Variants in PKP1 observed in about 807,000 individuals in gnomAD.
PKP1 encodes the protein plakophilin 1.
A neutral mutation model predicts 76.4 loss-of-function variants in PKP1; 27 were observed. The observed-to-expected ratio is 0.35, with a 90% CI of 0.26 to 0.49. The LOEUF is 0.49. Among genes scored for constraint, PKP1 ranks in the 20% least tolerant of loss-of-function variants. The pLI is 0.99. For synonymous variants in PKP1, 404 were observed against 384.2 expected, an observed-to-expected ratio of 1.05 and a Z score of -0.60; for missense variants, 964 against 955.2, an observed-to-expected ratio of 1.01 and a Z score of -0.12.
rs1779288 is a variant in PKP1, at chr1:201,322,982, T to C, written c.1504-31T>C. 1,607,334 of 1,611,320 alleles carry C rather than the reference T, an allele frequency of 1. 801,729 individuals are homozygous for C. The highest frequency in any genetic ancestry group is 1 in the East Asian group (44,872 of 44,872). ...TTGTGTCCTCTCACAAGGCTCCCCA[T>C]TGACCCCCCTGACCGGCTCTTTATC... is the stretch of plus-strand genomic sequence containing the variant. On this transcript the variant is annotated intron_variant, in intron 8 of 13. Transcript: ENST00000367324.
At chr1:201,320,836 C>G (rs999087184) in intron 7 of PKP1, among the ~76,000 whole-genome samples, 3 of 152,226 alleles carry the variant, frequency 2.0e-5, no homozygotes, top group Admixed American at 6.5e-5. Context: ...GGAATCCATA[C>G]TGGTGCCCCC....
At chr1:201,315,262 A>T (rs559858444) in intron 3 of PKP1, among the ~76,000 whole-genome samples, 1 of 152,362 alleles carries the variant, frequency 6.6e-6, no homozygotes, top group East Asian at 1.9e-4. Flanking sequence ...TGATGAATGC[A>T]GGGTGACATT....
At chr1:201,308,561 G>A (rs56033712) in intron 2 of PKP1, among the ~76,000 whole-genome samples, 2,521 of 152,310 alleles carry the variant, frequency 0.017, 73 homozygotes, top group African/African-American at 0.057. Flanking sequence ...GAGATGACAG[G>A]TGGAGAAGAG....
chr1:201,311,355 C>T lies in PKP1; in HGVS notation c.307-1811C>T, dbSNP rs542913330. 5.3e-5 allele frequency among the ~76,000 whole-genome samples: 8 copies of T among 152,342 alleles called. No individual in the cohort carries two copies. In the South Asian group the frequency reaches 1.7e-3, roughly 32 times the overall value. On this transcript the variant is annotated intron_variant, in intron 2 of 13. Transcript: ENST00000367324. ...CTATGCCTCTCCCAACAACCAGACA[C>T]CAATTCTCTTTGGAGTAGGTTGGTT...
chr1:201,319,466 CCA>C (rs1435724912), intron 6 of PKP1, among the ~76,000 whole-genome samples: 6 of 152,166 alleles, frequency 3.9e-5, no homozygotes, highest in Admixed American at 3.9e-4. Flanking sequence ...GAGAATCCCC[CCA>C]GAGTGGTGGG....
chr1:201,329,696 G>C (rs913958661), intron 13 of PKP1, among the ~76,000 whole-genome samples: 2 of 152,154 alleles, frequency 1.3e-5, no homozygotes, highest in African/African-American at 2.4e-5. Flanking sequence ...TCCCTGGTGG[G>C]GAGAGAGGAC....
chr1:201,293,678 T>C, intron 1 of PKP1, among the ~76,000 whole-genome samples: 1 of 152,266 alleles, frequency 6.6e-6, no homozygotes, highest in Non-Finnish European at 1.5e-5. Flanking sequence ...CAAGCAGCAG[T>C]GGAGCCACTG....
intron 13 of PKP1, among the ~76,000 whole-genome samples, chr1:201,329,259 A>G (rs1257065452): frequency 6.6e-6 from 1 of 152,198 alleles, no homozygotes; most frequent in Admixed American, 6.5e-5. Context: ...TTATCCTTTT[A>G]TAATTCACTT....
chr1:201,322,833 G>A (rs542658112), intron 8 of PKP1, among the ~76,000 whole-genome samples, 180 bp from the exon 9 acceptor site: 2 of 152,340 alleles, frequency 1.3e-5, no homozygotes, highest in South Asian at 4.1e-4. Flanking sequence ...AGCTGCTGCA[G>A]TGCATAGAGG....
intron 3 of PKP1, among the ~76,000 whole-genome samples, chr1:201,314,352 C>A (rs1451209056): frequency 6.6e-6 from 1 of 152,184 alleles, no homozygotes; most frequent in Non-Finnish European, 1.5e-5. Context: ...GTCCCAGCTA[C>A]TCAGAAGGCT....
At position 201,320,078 on chromosome 1, in the gene PKP1, C is replaced by T. The variant is rs1430204490; in HGVS notation, c.1233-189C>T. On this transcript the variant is annotated intron_variant, in intron 6 of 13. Transcript: ENST00000367324. ...ATCTTTTCCTCTCTTCATTCCTTTC[C>T]TCCCTTTCCTCTTCTCCTTCCTTCC... 5.7e-6 allele frequency: 4 copies of T among 698,172 alleles called. No individual in the cohort carries two copies. In the Admixed American group the frequency reaches 8.4e-5, roughly 15 times the overall value. 43.2% of individuals were successfully genotyped at this position (698,172 alleles called of 1,614,324 possible). A position where few individuals can be genotyped will look rare whatever the true frequency, so the allele number is the denominator to read the frequency against.
chr1:201,314,323 A>G (rs957918758), intron 3 of PKP1, among the ~76,000 whole-genome samples: 13 of 152,156 alleles, frequency 8.5e-5, no homozygotes, highest in Admixed American at 7.9e-4. Context: ...TTAGCCAAGC[A>G]TGGTGGCGGG....
In PKP1 at chr1:201,320,304, C is replaced by T. The variant is rs551980188; in HGVS notation, c.1270C>T (p.Arg424Cys). The T allele has an allele frequency of 1.1e-5, 18 of 1,613,950 alleles. No homozygotes were observed. The highest frequency in any genetic ancestry group is 5.5e-5 in the South Asian group (5 of 91,078). ...GGCCGATGCAGGCCGCCAGACCATGCGTAACTACTCAGGGCTCATTGATTC... is the reference window on the plus strand; with the variant it reads ...GGCCGATGCAGGCCGCCAGACCATGTGTAACTACTCAGGGCTCATTGATTC... ...SSADAGRQTM[R>C]NYSGLIDSLM... Residue 424 changes from arginine (R) to cysteine (C), a missense_variant, in exon 7 of 14, where the codon CGT (arginine) becomes TGT (cysteine). By Grantham distance (180) the Arg-to-Cys change is radical. Transcript: ENST00000367324.
intron 3 of PKP1, among the ~76,000 whole-genome samples, chr1:201,314,769 C>T (rs752751162): frequency 6.6e-6 from 1 of 152,232 alleles, no homozygotes. Flanking sequence ...CTACTACATG[C>T]CAGGCTCTTT....
At chr1:201,318,044 C>A (rs147069779) in intron 5 of PKP1, among the ~76,000 whole-genome samples, 113 of 152,296 alleles carry the variant, frequency 7.4e-4, no homozygotes, top group African/African-American at 2.7e-3. Flanking sequence ...GGCTGATGTC[C>A]AGGCAAGATC....
chr1:201,306,426 C>T (rs533904597), intron 2 of PKP1, among the ~76,000 whole-genome samples: 1 of 152,234 alleles, frequency 6.6e-6, no homozygotes, highest in Non-Finnish European at 1.5e-5. Context: ...GGCTAAGATG[C>T]CTTCTTTATC....
chr1:201,301,305 C>T (rs1455215899), intron 2 of PKP1, among the ~76,000 whole-genome samples: 1 of 152,168 alleles, frequency 6.6e-6, no homozygotes, highest in African/African-American at 2.4e-5. Context: ...TTTGGCAGCC[C>T]AGGATGCGAT....
intron 10 of PKP1, 117 bp downstream of exon 10, chr1:201,324,698 A>T: frequency 7.5e-7 from 1 of 1,330,760 alleles, no homozygotes; most frequent in Non-Finnish European, 1.1e-6. Flanking sequence ...CCAAGAAAGG[A>T]AGCTGGCCAA....
At chr1:201,320,185 C>G (rs1422844364) in intron 6 of PKP1, 82 bp from the exon 7 acceptor site, 2 of 861,184 alleles carry the variant, frequency 2.3e-6, no homozygotes, top group Non-Finnish European at 3.9e-6. Flanking sequence ...CTGCCTGTCC[C>G]CCACCACACT....
Sources: allele counts gnomAD v4.1 joint callset (sites outside exome capture counted in the v4.1 genomes callset), GRCh38; gene constraint gnomAD v4.1.1; transcripts MANE v1.5; gene names NCBI Gene and HGNC (gene_info 2026-07-23, HGNC 2026-07-21).